The following SLC22A15 variants were observed in gnomAD, a reference collection of about 807,000 sequenced individuals.
The protein encoded by SLC22A15 is flipt 1.
A neutral mutation model predicts 62.7 loss-of-function variants in SLC22A15; 45 were observed. The ratio of observed to expected loss-of-function variants is 0.72; its 90% CI spans 0.56 to 0.92. The LOEUF (loss-of-function observed/expected upper bound fraction) is 0.92. Ranked by LOEUF, SLC22A15 falls within the 40% of genes least tolerant of loss-of-function variation. The probability of loss-of-function intolerance (pLI) is 0.00; values close to 1 mark genes in which losing one functional copy is unlikely to be tolerated. For synonymous variants in SLC22A15, 264 were observed against 267.0 expected, an observed-to-expected ratio of 0.99 and a Z score of 0.11; for missense variants, 622 against 665.6, an observed-to-expected ratio of 0.93 and a Z score of 0.72.
intron 8 of SLC22A15, among the ~76,000 whole-genome samples, chr1:116,061,127 A>G (rs1351180473): frequency 1.3e-5 from 2 of 152,188 alleles, no homozygotes; most frequent in Non-Finnish European, 2.9e-5. Context: ...ACCAGTGTAC[A>G]TAGTGCTATG....
intron 2 of SLC22A15, chr1:116,014,007 A>G (rs1656404770): frequency 6.6e-6 from 1 of 152,182 alleles, no homozygotes; most frequent in Non-Finnish European, 1.5e-5. Context: ...TGTTCTCTGT[A>G]TTGCAGCTAA....
chr1:115,992,778 T>C (rs978601445), intron 2 of SLC22A15, among the ~76,000 whole-genome samples: 1 of 149,388 alleles, frequency 6.7e-6, no homozygotes, highest in Non-Finnish European at 1.5e-5. Context: ...CCCACCACCA[T>C]GCCTGGCTAA....
chr1:116,062,067 G>A (rs1658394965), intron 8 of SLC22A15, among the ~76,000 whole-genome samples: 1 of 152,034 alleles, frequency 6.6e-6, no homozygotes, highest in Admixed American at 6.6e-5. Flanking sequence ...AAATTAGCTG[G>A]GCGTAATGGT....
At chr1:116,039,729 C>T (rs917517092) in intron 8 of SLC22A15, among the ~76,000 whole-genome samples, 5 of 152,112 alleles carry the variant, frequency 3.3e-5, no homozygotes, top group Admixed American at 1.3e-4. Flanking sequence ...ATAATCCTTT[C>T]TATGCTTGCA....
At chr1:116,041,726 G>A (rs1424573687) in intron 8 of SLC22A15, among the ~76,000 whole-genome samples, 1 of 152,140 alleles carries the variant, frequency 6.6e-6, no homozygotes, top group Non-Finnish European at 1.5e-5. Flanking sequence ...GATACACAGA[G>A]GGAGAACTCC....
intron 3 of SLC22A15, among the ~76,000 whole-genome samples, chr1:116,020,075 A>G (rs1656740990): frequency 6.6e-6 from 1 of 152,166 alleles, no homozygotes; most frequent in Non-Finnish European, 1.5e-5. Flanking sequence ...ATTCATTTCA[A>G]ATGAGCTCTA....
At chr1:116,020,934 A>G (rs1293665916) in intron 4 of SLC22A15, 49 bp downstream of exon 4, 1 of 1,506,590 alleles carries the variant, frequency 6.6e-7, no homozygotes, top group East Asian at 2.3e-5. Context: ...GCTCCAGAAA[A>G]TTTTATAGGG....
intron 8 of SLC22A15, among the ~76,000 whole-genome samples, chr1:116,046,338 T>C (rs568409405): frequency 1.1e-4 from 17 of 152,324 alleles, no homozygotes; most frequent in Admixed American, 2.0e-4. Context: ...AGAAAATATC[T>C]GTAAAACATG....
intron 4 of SLC22A15, 114 bp from the exon 5 acceptor site, chr1:116,026,779 T>C: frequency 7.8e-7 from 1 of 1,280,262 alleles, no homozygotes; most frequent in South Asian, 1.5e-5. Context: ...CTCTTATAGT[T>C]GCCAGCATAG....
At chr1:116,024,000 T>A (rs373516090) in intron 4 of SLC22A15, among the ~76,000 whole-genome samples, 2 of 152,008 alleles carry the variant, frequency 1.3e-5, no homozygotes, top group African/African-American at 4.8e-5. Context: ...ACAGGGCCTG[T>A]GATGGGCCAA....
chr1:115,993,012 G>A (rs991829078), intron 2 of SLC22A15, among the ~76,000 whole-genome samples: 1 of 152,170 alleles, frequency 6.6e-6, no homozygotes, highest in African/African-American at 2.4e-5. Flanking sequence ...ACTTAGTATG[G>A]TCAGGAAGCC....
At chr1:116,012,998 C>T (rs12354347) in intron 2 of SLC22A15, among the ~76,000 whole-genome samples, 3 of 152,114 alleles carry the variant, frequency 2.0e-5, no homozygotes, top group African/African-American at 4.8e-5. Context: ...TGAGGTAGTC[C>T]GCACTTTATT....
intron 1 of SLC22A15, among the ~76,000 whole-genome samples, chr1:115,982,978 C>T (rs1397854509): frequency 1.3e-5 from 2 of 152,328 alleles, no homozygotes; most frequent in Middle Eastern, 6.8e-3. Flanking sequence ...GCATTCTCTG[C>T]AGAATAGCCT....
rs147627437 is a variant in SLC22A15 at position 116,029,352 on chromosome 1, G to A, written c.729-2014G>A. Among the ~76,000 whole-genome samples the A allele has an allele frequency of 5.1e-3, 770 of 152,164 alleles. 3 individuals carry two copies. The highest frequency in any genetic ancestry group is 8.3e-3 in the Non-Finnish European group (562 of 68,012). ...CCACCTTTAATGATATTCATGGAGC[G>A]GTTTTGAGTTGGGCAACATTGTTAA... On this transcript the variant is annotated intron_variant, in intron 5 of 11. Coordinates refer to ENST00000369503, the MANE Select transcript of SLC22A15 (RefSeq NM_018420.3).
At chr1:115,991,673 A>G in intron 1 of SLC22A15, among the ~76,000 whole-genome samples, 1 of 152,232 alleles carries the variant, frequency 6.6e-6, no homozygotes, top group East Asian at 1.9e-4. Flanking sequence ...TAATAGCTGG[A>G]ATGTTACTCT....
At position 115,976,618 on chromosome 1, in the gene SLC22A15, G is replaced by A. The variant is rs765443240; in HGVS notation, c.-10G>A. ...CGGTGGGGTGGCGGGGTTCCTGCGCGCGGCCCGCCATGGAGGTGGAGGAGG... is the reference window on the plus strand; with the variant it reads ...CGGTGGGGTGGCGGGGTTCCTGCGCACGGCCCGCCATGGAGGTGGAGGAGG... On this transcript the variant is annotated 5_prime_UTR_variant, in exon 1 of 12. Transcript: ENST00000369503. 4.5e-6 allele frequency: 7 copies of A among 1,566,944 alleles called. No homozygotes were observed. The highest frequency in any genetic ancestry group is 6.0e-6 in the Non-Finnish European group (7 of 1,161,306).
At chr1:116,025,037 C>T (rs1657021781) in intron 4 of SLC22A15, among the ~76,000 whole-genome samples, 1 of 151,988 alleles carries the variant, frequency 6.6e-6, no homozygotes, top group Admixed American at 6.6e-5. Flanking sequence ...GGGCTAAATC[C>T]AGATTACATT....
intron 8 of SLC22A15, among the ~76,000 whole-genome samples, chr1:116,056,767 C>T (rs981807542): frequency 2.6e-5 from 4 of 152,144 alleles, no homozygotes; most frequent in African/African-American, 4.8e-5. Context: ...CTACAACTAT[C>T]GGATCTTTGA....
chr1:116,027,774 C>T (rs1021974308), intron 5 of SLC22A15, among the ~76,000 whole-genome samples: 7 of 151,924 alleles, frequency 4.6e-5, no homozygotes, highest in African/African-American at 1.5e-4. Context: ...CACAGGCATG[C>T]GCCACCACGC....
Sources: allele counts gnomAD v4.1 joint callset (sites outside exome capture counted in the v4.1 genomes callset), GRCh38; gene constraint gnomAD v4.1.1; transcripts MANE v1.5; gene names NCBI Gene and HGNC (gene_info 2026-07-23, HGNC 2026-07-21).